Variants in RBFOX1 observed in about 807,000 individuals in gnomAD.
RBFOX1 encodes RNA binding fox-1 homolog 1, also known as RNA binding protein fox-1 homolog 1.
In RBFOX1, 8 loss-of-function variants were observed where a neutral mutation model predicts 57.7. The ratio of observed to expected loss-of-function variants is 0.14; its 90% CI spans 0.08 to 0.25. The LOEUF (loss-of-function observed/expected upper bound fraction) is 0.25, where lower values mean the gene tolerates loss of function less well. RBFOX1 is among the 10% of genes least tolerant of loss of function. RBFOX1 has a pLI of 1.00. For synonymous variants in RBFOX1, 326 were observed against 222.4 expected, an observed-to-expected ratio of 1.47 and a Z score of -4.15; for missense variants, 611 against 548.5, an observed-to-expected ratio of 1.11 and a Z score of -1.14.
At chr16:6,453,430 C>A (rs1359493162) in intron 2 of RBFOX1, among the ~76,000 whole-genome samples, 1 of 152,028 alleles carries the variant, frequency 6.6e-6, no homozygotes. Flanking sequence ...AGAAAATCTA[C>A]AAGAAATGGA....
At chr16:5,965,446 C>T (rs956074967) in intron 4 of RBFOX1, among the ~76,000 whole-genome samples, 3 of 152,130 alleles carry the variant, frequency 2.0e-5, no homozygotes, top group Non-Finnish European at 2.9e-5. Context: ...ACCATACCTC[C>T]ACAAAGCTAG....
chr16:5,254,240 C>T (rs887104679), intron 1 of RBFOX1, among the ~76,000 whole-genome samples: 4 of 152,184 alleles, frequency 2.6e-5, no homozygotes, highest in South Asian at 2.1e-4. Context: ...CCTGGCTGGT[C>T]GCTGGGTGCA....
intron 3 of RBFOX1, among the ~76,000 whole-genome samples, chr16:5,802,336 C>T (rs1037283584): frequency 6.6e-6 from 1 of 152,248 alleles, no homozygotes; most frequent in Admixed American, 6.5e-5. Flanking sequence ...AACTTTGCCT[C>T]CTGTGACCTG....
chr16:5,390,818 G>GT (rs1432477605), intron 1 of RBFOX1, among the ~76,000 whole-genome samples: 2 of 152,162 alleles, frequency 1.3e-5, no homozygotes, highest in African/African-American at 4.8e-5. Context: ...TGGGCTTGAA[G>GT]GATAGTGCAT....
chr16:5,382,914 G>T (rs2151394999), intron 1 of RBFOX1, among the ~76,000 whole-genome samples: 1 of 152,188 alleles, frequency 6.6e-6, no homozygotes, highest in Non-Finnish European at 1.5e-5. Context: ...ACGCAGAGAA[G>T]AAATGGTAGA....
At chr16:5,811,428 C>T (rs2055427416) in intron 3 of RBFOX1, among the ~76,000 whole-genome samples, 1 of 150,608 alleles carries the variant, frequency 6.6e-6, no homozygotes, top group Non-Finnish European at 1.5e-5. Flanking sequence ...CAGGTGTGAG[C>T]CAATGCACCC....
chr16:7,680,348 C>A (rs1254241324), intron 14 of RBFOX1, among the ~76,000 whole-genome samples: 1 of 152,148 alleles, frequency 6.6e-6, no homozygotes, highest in African/African-American at 2.4e-5. Flanking sequence ...GTGTACATGG[C>A]TTTGATGAAA....
intron 2 of RBFOX1, among the ~76,000 whole-genome samples, chr16:6,510,885 C>A (rs1047530453): frequency 6.6e-6 from 1 of 152,012 alleles, no homozygotes; most frequent in Non-Finnish European, 1.5e-5. Flanking sequence ...AAGGTATGCC[C>A]TCTTTAATAC....
chr16:7,697,181 G>C (rs1262828886), intron 14 of RBFOX1, among the ~76,000 whole-genome samples: 1 of 152,200 alleles, frequency 6.6e-6, no homozygotes, highest in Non-Finnish European at 1.5e-5. Context: ...CCTTACAGCT[G>C]TCCAGAGAGG....
chr16:7,106,798 A>C (rs2063664919), intron 4 of RBFOX1, among the ~76,000 whole-genome samples: 1 of 152,072 alleles, frequency 6.6e-6, no homozygotes, highest in African/African-American at 2.4e-5. Context: ...CAGATGCCCT[A>C]AAAGGTGTCT....
At chr16:7,573,416 T>G in intron 5 of RBFOX1, among the ~76,000 whole-genome samples, 1 of 152,126 alleles carries the variant, frequency 6.6e-6, no homozygotes, top group East Asian at 1.9e-4. Flanking sequence ...ACCTCTAACA[T>G]CCTTACTTTA....
rs981317864 is a variant in RBFOX1 at position 6,185,979 on chromosome 16, T to G, written c.-126-131016T>G. Among the ~76,000 whole-genome samples, 21 of 152,312 alleles carry G rather than the reference T, an allele frequency of 1.4e-4. 1 individual carries two copies. The highest frequency in any genetic ancestry group is 7.8e-4 in the Admixed American group (12 of 15,306). Reference sequence around the variant, plus strand: ...TCTTTCTTACCTAAATAGCTATGACTTAAAGTCAATCTTGTACTGCTGTGG... The same window carrying G: ...TCTTTCTTACCTAAATAGCTATGACGTAAAGTCAATCTTGTACTGCTGTGG... On this transcript the variant is annotated intron_variant, in intron 1 of 15. Coordinates refer to ENST00000550418, the MANE Select transcript of RBFOX1 (RefSeq NM_018723.4).
chr16:5,634,201 A>G (rs1226933751), intron 3 of RBFOX1, among the ~76,000 whole-genome samples: 3 of 152,222 alleles, frequency 2.0e-5, no homozygotes, highest in African/African-American at 7.2e-5. Flanking sequence ...GGGTATTGCA[A>G]ATTTGATATA....
chr16:6,686,629 A>T (rs976902336), intron 3 of RBFOX1, among the ~76,000 whole-genome samples: 1 of 152,142 alleles, frequency 6.6e-6, no homozygotes, highest in African/African-American at 2.4e-5. Flanking sequence ...TTCCCCCGAA[A>T]GCACAGGTAT....
chr16:6,019,718 G>C lies in RBFOX1; in HGVS notation c.-401G>C. 26 of 1,369,804 alleles carry C rather than the reference G, an allele frequency of 1.9e-5. No individual in the cohort carries two copies. Among genetic ancestry groups the C allele is most frequent in the Non-Finnish European group, 2.2e-5 (23 of 1,061,468 alleles). 84.9% of individuals were successfully genotyped at this position (1,369,804 alleles called of 1,614,324 possible). On this transcript the variant is annotated 5_prime_UTR_variant, in exon 1 of 16. Coordinates refer to ENST00000550418, the MANE Select transcript of RBFOX1 (RefSeq NM_018723.4). This position sits in a 1 kb window ranked among gnomAD's most constrained non-coding sequence, Gnocchi z 4.2. ...TTGCCCAGGCAGAGAGAGCAGGAGC[G>C]GACCGCGCGCCCGGGATTGAGAGTC...
intron 3 of RBFOX1, among the ~76,000 whole-genome samples, chr16:6,677,217 G>T (rs1433569180): frequency 6.6e-6 from 1 of 152,136 alleles, no homozygotes; most frequent in Non-Finnish European, 1.5e-5. Context: ...ACTACAACTA[G>T]AATACAGGTT....
At chr16:6,348,213 C>T (rs2152839556) in intron 2 of RBFOX1, among the ~76,000 whole-genome samples, 1 of 152,238 alleles carries the variant, frequency 6.6e-6, no homozygotes, top group South Asian at 2.1e-4. Flanking sequence ...TGGGGTCAGG[C>T]CATCCAGGTT....
At chr16:6,362,559 C>G (rs1160036206) in intron 2 of RBFOX1, among the ~76,000 whole-genome samples, 1 of 152,204 alleles carries the variant, frequency 6.6e-6, no homozygotes, top group Non-Finnish European at 1.5e-5. Context: ...CTGATGCTCT[C>G]TGACAGCAGC....
At chr16:7,596,123 G>T (rs1396843174) in intron 8 of RBFOX1, among the ~76,000 whole-genome samples, 1 of 22,060 alleles carries the variant, frequency 4.5e-5, no homozygotes, top group Non-Finnish European at 9.0e-5. Flanking sequence ...TTTGTTTTTT[G>T]TGGAAAAAAA....
Sources: allele counts gnomAD v4.1 joint callset (sites outside exome capture counted in the v4.1 genomes callset), GRCh38; gene constraint gnomAD v4.1.1; non-coding constraint Gnocchi (gnomAD v3.1); transcripts MANE v1.5; gene names NCBI Gene and HGNC (gene_info 2026-07-23, HGNC 2026-07-21).